Variants in PCDH15 observed in about 807,000 individuals in gnomAD.
PCDH15 encodes protocadherin related 15.
PCDH15 carries 129 observed loss-of-function variants against 178.5 expected under a neutral mutation model. The observed-to-expected ratio is 0.72, with a 90% CI of 0.63 to 0.84. The LOEUF (loss-of-function observed/expected upper bound fraction) is 0.84, where lower values mean the gene tolerates loss of function less well. PCDH15 is among the 40% of genes least tolerant of loss of function. PCDH15 has a pLI of 0.00. For missense variants in PCDH15, 2,230 were observed against 2,099.9 expected, an observed-to-expected ratio of 1.06 and a Z score of -1.21; for synonymous variants, 800 against 732.0, an observed-to-expected ratio of 1.09 and a Z score of -1.50.
intron 2 of PCDH15, among the ~76,000 whole-genome samples, chr10:55,330,864 G>A (rs1049327435): frequency 6.6e-6 from 1 of 151,256 alleles, no homozygotes; most frequent in Non-Finnish European, 1.5e-5. Context: ...GTGTGTGTGT[G>A]TGTGTATGTG....
At chr10:55,303,642 T>G (rs926798980) in intron 1 of PCDH15, among the ~76,000 whole-genome samples, 5 of 151,878 alleles carry the variant, frequency 3.3e-5, no homozygotes, top group African/African-American at 4.8e-5. Flanking sequence ...GTAGTTGGTG[T>G]TTTTTTTGGT....
At chr10:54,246,757 C>T (rs940124593) in intron 8 of PCDH15, among the ~76,000 whole-genome samples, 5 of 151,844 alleles carry the variant, frequency 3.3e-5, no homozygotes, top group Admixed American at 2.6e-4. Context: ...AGTTTTCTAA[C>T]GTGGTTGTAT....
intron 13 of PCDH15, among the ~76,000 whole-genome samples, chr10:54,155,863 A>G (rs1214566021): frequency 6.6e-6 from 1 of 151,938 alleles, no homozygotes; most frequent in Admixed American, 6.6e-5. Flanking sequence ...GAAGTCTATT[A>G]GATGATGTTG....
chr10:54,402,740 T>C (rs1460446124), intron 3 of PCDH15, among the ~76,000 whole-genome samples: 3 of 151,998 alleles, frequency 2.0e-5, no homozygotes, highest in Non-Finnish European at 4.4e-5. Context: ...CCACATTACA[T>C]TGAACTTAAT....
At chr10:54,558,214 A>G (rs2087567375) in intron 2 of PCDH15, among the ~76,000 whole-genome samples, 1 of 152,144 alleles carries the variant, frequency 6.6e-6, no homozygotes, top group African/African-American at 2.4e-5. Context: ...GTTCTGAGAA[A>G]TAAGAAACCA....
intron 2 of PCDH15, among the ~76,000 whole-genome samples, chr10:54,951,948 CTATCAGATAATT>C (rs1173871728): frequency 6.6e-6 from 1 of 151,948 alleles, no homozygotes; most frequent in Admixed American, 6.6e-5. Flanking sequence ...TCCAATACCT[CTATCAGATAATT>C]ATGTTGAAAA....
chr10:54,103,000 C>T (rs10763066), intron 15 of PCDH15, among the ~76,000 whole-genome samples: 86,502 of 151,936 alleles, frequency 0.57, 25,618 homozygotes, highest in Middle Eastern at 0.67. Context: ...GTAAAAGGCC[C>T]GAGGCCTCCT....
intron 8 of PCDH15, among the ~76,000 whole-genome samples, chr10:54,263,331 G>C (rs2057457505): frequency 1.3e-5 from 2 of 152,066 alleles, no homozygotes. Flanking sequence ...GCCACTAAAA[G>C]GGTCACCACC....
intron 1 of PCDH15, among the ~76,000 whole-genome samples, chr10:55,253,384 A>G (rs1010157898): frequency 1.8e-4 from 28 of 152,108 alleles, no homozygotes; most frequent in African/African-American, 6.8e-4. Flanking sequence ...GTCGTTTCTC[A>G]TATCTGTATA....
chr10:54,699,937 A>G (rs1162432472), intron 1 of PCDH15, among the ~76,000 whole-genome samples: 1 of 152,102 alleles, frequency 6.6e-6, no homozygotes, highest in Non-Finnish European at 1.5e-5. Context: ...ATTATATTTT[A>G]TGTATTTTAA....
At position 54,830,851 on chromosome 10, in the gene PCDH15, G is replaced by A. The variant is rs73254080; in HGVS notation, c.-29+66599C>T. Among the ~76,000 whole-genome samples, 610 of 152,002 alleles carry A rather than the reference G, an allele frequency of 4.0e-3. 1 individual carries two copies. Among genetic ancestry groups the A allele is most frequent in the African/African-American group, 0.014 (587 of 41,528 alleles). ...TCAACACAGAGACAAAAAATATTCT[G>A]TAATGATGAAAAAAGAACTCCAGCA... is the stretch of plus-strand genomic sequence containing the variant. On this transcript the variant is annotated intron_variant, in intron 3 of 5. Transcript: ENST00000458638.
At chr10:54,078,254 C>G (rs146710553) in intron 17 of PCDH15, among the ~76,000 whole-genome samples, 2 of 151,950 alleles carry the variant, frequency 1.3e-5, no homozygotes, top group African/African-American at 2.4e-5. Flanking sequence ...TATGGACAGA[C>G]TGCAATTACC....
intron 5 of PCDH15, among the ~76,000 whole-genome samples, chr10:54,368,648 G>A (rs1024642193): frequency 1.5e-4 from 23 of 151,710 alleles, no homozygotes; most frequent in Admixed American, 1.1e-3. Flanking sequence ...ATAAGAATTC[G>A]GTTGTGATTT....
At chr10:55,602,110 C>G (rs1843097008) in intron 2 of PCDH15, among the ~76,000 whole-genome samples, 1 of 152,072 alleles carries the variant, frequency 6.6e-6, no homozygotes, top group Admixed American at 6.5e-5. Context: ...CTTTCCTAGT[C>G]AAGGAAAGGG....
intron 3 of PCDH15, among the ~76,000 whole-genome samples, chr10:54,410,342 C>T (rs1053489992): frequency 6.6e-6 from 1 of 152,030 alleles, no homozygotes; most frequent in Non-Finnish European, 1.5e-5. Flanking sequence ...TTTACCTTTC[C>T]TAAAGAACAA....
At chr10:53,829,799 C>T (rs2076911912) in intron 30 of PCDH15, among the ~76,000 whole-genome samples, 1 of 152,068 alleles carries the variant, frequency 6.6e-6, no homozygotes, top group Admixed American at 6.6e-5. Context: ...ATACTCTTGG[C>T]CTCACTTTGA....
intron 3 of PCDH15, among the ~76,000 whole-genome samples, chr10:54,811,963 T>G (rs1291850475): frequency 1.3e-5 from 2 of 152,172 alleles, no homozygotes; most frequent in African/African-American, 4.8e-5. Flanking sequence ...GTCTCTCATT[T>G]ATAAATATAC....
chr10:54,658,638 G>T (rs570430822), intron 2 of PCDH15, among the ~76,000 whole-genome samples: 31 of 152,174 alleles, frequency 2.0e-4, no homozygotes, highest in African/African-American at 7.5e-4. Context: ...AATCCTTAAA[G>T]GACTTCTAAA....
intron 1 of PCDH15, among the ~76,000 whole-genome samples, chr10:55,195,115 C>T (rs986132986): frequency 2.0e-5 from 3 of 151,176 alleles, no homozygotes; most frequent in South Asian, 2.1e-4. Flanking sequence ...CCTCTGCCTC[C>T]CGAGTTCGAG....
Sources: allele counts gnomAD v4.1 joint callset (sites outside exome capture counted in the v4.1 genomes callset), GRCh38; gene constraint gnomAD v4.1.1; transcripts MANE v1.5; gene names NCBI Gene and HGNC (gene_info 2026-07-23, HGNC 2026-07-21).